OPHN1: variants seen among roughly 807,000 people sequenced by gnomAD.
OPHN1 encodes the protein oligophrenin-1.
Under a neutral mutation model 60.7 loss-of-function variants are expected in OPHN1, and 11 were observed. That is an observed-to-expected ratio of 0.18 (90% confidence interval 0.11 to 0.30). OPHN1 has a LOEUF of 0.30. OPHN1 is among the 10% of genes least tolerant of loss of function. The pLI is 1.00. For missense variants in OPHN1, 449 were observed against 611.0 expected (o/e 0.73, Z 2.80); for synonymous variants, 226 against 222.6 (o/e 1.02, Z -0.14).
chrX:68,072,947 C>T (rs1480691573), intron 20 of OPHN1, among the ~76,000 whole-genome samples: 1 of 111,849 alleles, frequency 8.9e-6, no homozygotes, highest in Admixed American at 9.5e-5. Flanking sequence ...ACTTCCTTTA[C>T]AAGCTCATCA....
chrX:68,195,938 A>G (rs1201288450), intron 12 of OPHN1, among the ~76,000 whole-genome samples: 1 of 111,874 alleles, frequency 8.9e-6, no homozygotes. Flanking sequence ...CTAAAGGGAG[A>G]GCAAACTTGG....
chrX:68,294,173 G>A (rs142915154), intron 3 of OPHN1, among the ~76,000 whole-genome samples: 1,272 of 110,649 alleles, frequency 0.011, 15 homozygotes, highest in Middle Eastern at 0.037. Context: ...AAGGGATCCT[G>A]AGAAAAGAGT....
intron 10 of OPHN1, among the ~76,000 whole-genome samples, chrX:68,202,406 A>G (rs773536612): frequency 8.9e-6 from 1 of 111,913 alleles, no homozygotes; most frequent in African/African-American, 3.2e-5. Flanking sequence ...TTCTAGTCTC[A>G]CCTTGTTCAG....
chrX:68,169,360 G>GT (rs1157667697), intron 15 of OPHN1, among the ~76,000 whole-genome samples: 1 of 111,140 alleles, frequency 9.0e-6, no homozygotes, highest in Non-Finnish European at 1.9e-5. Flanking sequence ...ACTGCCCAAG[G>GT]TAATTTATAG....
intron 17 of OPHN1, 76 bp from the exon 18 acceptor site, chrX:68,112,035 G>A: frequency 1.8e-6 from 1 of 542,188 alleles, no homozygotes; most frequent in Non-Finnish European, 3.2e-6. Context: ...ACATATATAT[G>A]CACAAACACA....
At chrX:68,285,226 T>A (rs1426028722) in intron 3 of OPHN1, among the ~76,000 whole-genome samples, 1 of 111,918 alleles carries the variant, frequency 8.9e-6, no homozygotes, top group African/African-American at 3.2e-5. Context: ...CCATTTCATT[T>A]ATTTCCTCTT....
chrX:68,306,816 G>A (rs917858317), intron 2 of OPHN1, among the ~76,000 whole-genome samples: 4 of 111,140 alleles, frequency 3.6e-5, no homozygotes, highest in East Asian at 2.8e-4. Context: ...TTGACCTCCC[G>A]GGCTCAAGTG....
chrX:68,106,385 A>G (rs976743373), intron 18 of OPHN1, among the ~76,000 whole-genome samples: 2 of 111,043 alleles, frequency 1.8e-5, no homozygotes, highest in South Asian at 3.9e-4. Context: ...TCTGACTCCA[A>G]TCTTATCTGC....
chrX:68,268,453 C>T (rs1166817833), intron 5 of OPHN1, among the ~76,000 whole-genome samples: 6 of 111,806 alleles, frequency 5.4e-5, no homozygotes, highest in Middle Eastern at 4.6e-3. Flanking sequence ...AATCAATAAA[C>T]GTAATCCAGC....
At chrX:68,157,242 A>T (rs1160974400) in intron 15 of OPHN1, among the ~76,000 whole-genome samples, 1 of 112,094 alleles carries the variant, frequency 8.9e-6, no homozygotes, top group East Asian at 2.8e-4. Context: ...ATCATAATAG[A>T]AAGTTGTATT....
chrX:68,354,893 G>A (rs2078432971), intron 2 of OPHN1, among the ~76,000 whole-genome samples: 1 of 111,844 alleles, frequency 8.9e-6, no homozygotes, highest in Non-Finnish European at 1.9e-5. Flanking sequence ...CCTATCTGCA[G>A]TCAAATATTC....
chrX:68,316,847 C>G (rs1227576426), intron 2 of OPHN1, among the ~76,000 whole-genome samples: 1 of 112,130 alleles, frequency 8.9e-6, no homozygotes, highest in Non-Finnish European at 1.9e-5. Context: ...TGCAATATAA[C>G]ATTTATAAAT....
At chrX:68,206,373 A>G (rs1454090769) in intron 10 of OPHN1, among the ~76,000 whole-genome samples, 200 bp downstream of exon 10, 1 of 111,891 alleles carries the variant, frequency 8.9e-6, no homozygotes, top group East Asian at 2.8e-4. Context: ...CACTTTCAAA[A>G]GGCTTGCTCT....
intron 2 of OPHN1, among the ~76,000 whole-genome samples, chrX:68,382,663 T>C (rs185632462): frequency 8.9e-6 from 1 of 111,833 alleles, no homozygotes; most frequent in African/African-American, 3.2e-5. Context: ...GGTTTCTTTT[T>C]GGAGTGATGA....
intron 2 of OPHN1, among the ~76,000 whole-genome samples, chrX:68,333,263 A>C (rs2078304438): frequency 9.2e-6 from 1 of 109,238 alleles, no homozygotes; most frequent in Admixed American, 1.0e-4. Flanking sequence ...ACAAATAATA[A>C]TAATAATAAT....
intron 15 of OPHN1, among the ~76,000 whole-genome samples, chrX:68,174,859 G>T (rs567022122): frequency 9.1e-6 from 1 of 110,239 alleles, no homozygotes; most frequent in Non-Finnish European, 1.9e-5. Flanking sequence ...CAAGGCAGGT[G>T]AATCACCTGA....
chrX:68,350,508 C>CTCCT (rs2078404620), intron 2 of OPHN1, among the ~76,000 whole-genome samples: 2 of 64,679 alleles, frequency 3.1e-5, no homozygotes, highest in African/African-American at 8.8e-5. Context: ...CCTTTCCTTC[C>CTCCT]TTCCTCCCTC....
At position 68,209,621 on chromosome X, in the gene OPHN1, G is replaced by A. The variant is rs763244596; in HGVS notation, c.832+532C>T. Among the ~76,000 whole-genome samples, 133 of 111,692 alleles carry A rather than the reference G, an allele frequency of 1.2e-3. 1 individual carries two copies. The highest frequency in any genetic ancestry group is 4.1e-3 in the African/African-American group (126 of 30,851). ...ACCCTAATGCAGACGAAGATATAGGGTACTATAGTAGGATCATGGGCTTTG... is the reference window on the plus strand; with the variant it reads ...ACCCTAATGCAGACGAAGATATAGGATACTATAGTAGGATCATGGGCTTTG... On this transcript the variant is annotated intron_variant, in intron 9 of 24. Transcript: ENST00000355520.
chrX:68,055,873 C>T (rs1462830238), intron 21 of OPHN1, among the ~76,000 whole-genome samples: 1 of 111,098 alleles, frequency 9.0e-6, no homozygotes, highest in African/African-American at 3.3e-5. Flanking sequence ...AAACACCGCA[C>T]GTTCTCACTC....
Sources: gnomAD v4.1 joint callset for allele counts (sites outside exome capture counted in the v4.1 genomes callset) on GRCh38, gnomAD v4.1.1 for gene constraint, MANE v1.5 for transcripts, NCBI Gene and HGNC (gene_info 2026-07-23, HGNC 2026-07-21) for gene names.